CARS2: variants seen among roughly 807,000 people sequenced by gnomAD.
CARS2 encodes the protein probable cysteine--tRNA ligase, mitochondrial.
In CARS2, 52 loss-of-function variants were observed where a neutral mutation model predicts 68.8. The ratio of observed to expected loss-of-function variants is 0.76; its 90% CI spans 0.61 to 0.95. CARS2 has a LOEUF of 0.95. CARS2 is among the 40% of genes least tolerant of loss of function. The pLI is 0.00. For synonymous variants in CARS2, 314 were observed against 303.6 expected (o/e 1.03, Z -0.36); for missense variants, 780 against 754.2 (o/e 1.03, Z -0.40).
At position 110,667,452 on chromosome 13, in the gene CARS2, C is replaced by T. The variant is rs372086632; in HGVS notation, c.807G>A (p.Leu269=). 1.2e-6 allele frequency: 2 copies of T among 1,613,826 alleles called. No individual in the cohort carries two copies. The highest frequency in any genetic ancestry group is 3.3e-4 in the Middle Eastern group (2 of 6,062). The change falls in exon 8 of 15, where the codon CTG becomes CTA. Residue 269 remains leucine, a synonymous_variant. Coordinates refer to ENST00000257347, the MANE Select transcript of CARS2 (RefSeq NM_024537.4). The part of the protein sequence containing the change: ...AIASMVFGSQ[L]DIHSGGIDLA... ...AATCTATCCCACCTGAATGGATATC[C>T]AGTTGACTTCCAAATACCATACTGC...
chr13:110,643,652 A>C (rs1887698183), intron 13 of CARS2: 1 of 157,120 alleles, frequency 6.4e-6, no homozygotes, highest in Non-Finnish European at 1.4e-5. Flanking sequence ...TGAGAATTCT[A>C]CAAGGGTGTC....
upstream of CARS2, among the ~76,000 whole-genome samples, chr13:110,710,033 A>G (rs1311548751): frequency 6.6e-6 from 1 of 152,212 alleles, no homozygotes; most frequent in Non-Finnish European, 1.5e-5. Context: ...AGGGGTTTTC[A>G]AGTTTAAGAT....
At chr13:110,656,974 A>G (rs1055808299) in intron 9 of CARS2, among the ~76,000 whole-genome samples, 1 of 152,182 alleles carries the variant, frequency 6.6e-6, no homozygotes, top group African/African-American at 2.4e-5. Context: ...TTTAAATAGT[A>G]TACTTATATA....
intron 3 of CARS2, among the ~76,000 whole-genome samples, chr13:110,690,955 T>A (rs190364709): frequency 6.6e-6 from 1 of 152,392 alleles, no homozygotes; most frequent in African/African-American, 2.4e-5. Flanking sequence ...CCTGTAGTTA[T>A]CCACACCTGT....
In CARS2 at chr13:110,706,051, G is replaced by T; in HGVS notation, c.43C>A (p.Leu15Ile). 7.3e-7 allele frequency: 1 copy of T among 1,362,340 alleles called. No individual in the cohort carries two copies. 84.4% of individuals were successfully genotyped at this position (1,362,340 alleles called of 1,614,324 possible). Residue 15 changes from leucine (L) to isoleucine (I), a missense_variant, in exon 1 of 15, where the codon CTC (leucine) becomes ATC (isoleucine). By Grantham distance (5) the Leu-to-Ile change is conservative. Transcript: ENST00000257347. ...TRGPGLGPPL[L>I]QAALGLGRAG... Reference sequence around the variant, plus strand: ...CGCCCAAGGCCCAGCGCGGCCTGGAGCAGCGGGGGGCCCAGGCCTGGGCCG... The same window carrying T: ...CGCCCAAGGCCCAGCGCGGCCTGGATCAGCGGGGGGCCCAGGCCTGGGCCG...
intron 8 of CARS2, chr13:110,664,336 G>A (rs1181238681): frequency 1.1e-5 from 4 of 369,368 alleles, no homozygotes; most frequent in South Asian, 1.1e-4. Flanking sequence ...GGCAACACCC[G>A]GTCTCTACAA....
chr13:110,652,081 T>TGGCTC (rs1353872218), intron 9 of CARS2, among the ~76,000 whole-genome samples: 1 of 152,256 alleles, frequency 6.6e-6, no homozygotes, highest in Non-Finnish European at 1.5e-5. Context: ...AAGACAGAAC[T>TGGCTC]GGCTCACCCC....
intron 9 of CARS2, among the ~76,000 whole-genome samples, chr13:110,661,012 G>C (rs1288650765): frequency 6.6e-6 from 1 of 152,024 alleles, no homozygotes; most frequent in Non-Finnish European, 1.5e-5. Context: ...TGCCCACCTG[G>C]GCCTCCCAAA....
intron 8 of CARS2, chr13:110,666,343 AT>A (rs968979517): frequency 1.0e-6 from 1 of 985,212 alleles, no homozygotes; most frequent in Non-Finnish European, 1.2e-6. Flanking sequence ...GGGAAATGGT[AT>A]GGGGTGCTGG....
intron 9 of CARS2, among the ~76,000 whole-genome samples, chr13:110,652,170 C>G (rs1319501264): frequency 1.3e-5 from 2 of 152,262 alleles, no homozygotes; most frequent in Non-Finnish European, 2.9e-5. Flanking sequence ...CGGGTAAACC[C>G]GATACCCTCT....
intron 5 of CARS2, among the ~76,000 whole-genome samples, chr13:110,684,209 A>G (rs2063233077): frequency 6.6e-6 from 1 of 152,126 alleles, no homozygotes; most frequent in African/African-American, 2.4e-5. Flanking sequence ...CCCTCCAACC[A>G]CACAGCAGCA....
intron 9 of CARS2, among the ~76,000 whole-genome samples, chr13:110,659,603 G>T (rs943222512): frequency 6.6e-6 from 1 of 151,988 alleles, no homozygotes; most frequent in Non-Finnish European, 1.5e-5. Flanking sequence ...ATAAAGCAAG[G>T]CACACATATT....
chr13:110,676,273 G>A lies in CARS2; in HGVS notation c.785+701C>T, dbSNP rs537941219. 1.1e-3 allele frequency among the ~76,000 whole-genome samples: 160 copies of A among 152,344 alleles called. No homozygotes were observed. The highest frequency in any genetic ancestry group is 3.6e-3 in the African/African-American group (150 of 41,576). Reference sequence around the variant, plus strand: ...CCCCACCCAAGGTGCCCCTGGCTGTGGGCAGAGCCACAGGGTGTGGACACC... The same window carrying A: ...CCCCACCCAAGGTGCCCCTGGCTGTAGGCAGAGCCACAGGGTGTGGACACC... On this transcript the variant is annotated intron_variant, in intron 7 of 14. Coordinates refer to ENST00000257347, the MANE Select transcript of CARS2 (RefSeq NM_024537.4). The surrounding 1 kb of genome is among the most constrained non-coding windows in gnomAD (Gnocchi z 4.0).
At chr13:110,711,963 A>G (rs1184874305) in intron 1 of CARS2, among the ~76,000 whole-genome samples, 4 of 152,266 alleles carry the variant, frequency 2.6e-5, no homozygotes, top group African/African-American at 9.6e-5. Flanking sequence ...AGAGTTTTAG[A>G]TGTTACAACA....
intron 3 of CARS2, among the ~76,000 whole-genome samples, chr13:110,689,056 C>T (rs924406998): frequency 5.3e-5 from 8 of 152,236 alleles, no homozygotes; most frequent in Non-Finnish European, 1.0e-4. Flanking sequence ...CAAAACAGTC[C>T]AATCAATTCC....
intron 5 of CARS2, 127 bp from the exon 6 acceptor site, chr13:110,683,261 A>G: frequency 1.9e-6 from 1 of 526,404 alleles, no homozygotes; most frequent in Non-Finnish European, 3.1e-6. Context: ...ATATACATAT[A>G]TAGTATTTAT....
chr13:110,642,287 A>G lies in CARS2; in HGVS notation c.1623+28T>C, dbSNP rs1362092616. ...GTTGACCTACCCGGCTCCTGGGGTG[A>G]TGTCCCTGACCTTGGTGCGGCACTC... is the stretch of plus-strand genomic sequence containing the variant. On this transcript the variant is annotated intron_variant, in intron 14 of 14. Transcript: ENST00000257347. The G allele has an allele frequency of 2.0e-6, 3 of 1,529,734 alleles. No individual in the cohort carries two copies. In the South Asian group the frequency reaches 3.6e-5, roughly 18 times the overall value. The allele number at this position is 1,529,734 out of a possible 1,614,324, so 94.8% of individuals were successfully genotyped here.
At chr13:110,693,311 G>C (rs1208090910) in intron 3 of CARS2, among the ~76,000 whole-genome samples, 1 of 152,006 alleles carries the variant, frequency 6.6e-6, no homozygotes, top group African/African-American at 2.4e-5. Context: ...CAATGACAAG[G>C]AGTTGTAAGT....
At chr13:110,679,677 A>AGGGG (rs1566713138) in intron 6 of CARS2, among the ~76,000 whole-genome samples, 1 of 55,694 alleles carries the variant, frequency 1.8e-5, no homozygotes, top group African/African-American at 6.9e-5. Context: ...GGAGGGAGGG[A>AGGGG]GGGAGGGAAA....
Sources: gnomAD v4.1 joint callset for allele counts (sites outside exome capture counted in the v4.1 genomes callset) on GRCh38, gnomAD v4.1.1 for gene constraint, Gnocchi (gnomAD v3.1) non-coding constraint, MANE v1.5 for transcripts, NCBI Gene and HGNC (gene_info 2026-07-23, HGNC 2026-07-21) for gene names.